CDH13: variants seen among roughly 807,000 people sequenced by gnomAD.
CDH13 encodes the protein cadherin-13.
Under a neutral mutation model 63.8 loss-of-function variants are expected in CDH13, and 24 were observed. The observed-to-expected ratio is 0.38, with a 90% CI of 0.27 to 0.53. The LOEUF is 0.53. Ranked by LOEUF, CDH13 falls within the 20% of genes least tolerant of loss-of-function variation. The probability of loss-of-function intolerance (pLI) is 0.85; values close to 1 mark genes in which losing one functional copy is unlikely to be tolerated. For synonymous variants in CDH13, 503 were observed against 355.3 expected, an observed-to-expected ratio of 1.42 and a Z score of -4.67; for missense variants, 1,049 against 903.1, an observed-to-expected ratio of 1.16 and a Z score of -2.07.
intron 10 of CDH13, among the ~76,000 whole-genome samples, chr16:83,709,304 G>A (rs767432830): frequency 2.0e-4 from 31 of 152,134 alleles, no homozygotes; most frequent in Non-Finnish European, 3.7e-4. Flanking sequence ...TAATCCACTA[G>A]GTCTGTGGTC....
At chr16:83,088,476 G>C (rs1268194655) in intron 3 of CDH13, among the ~76,000 whole-genome samples, 1 of 152,174 alleles carries the variant, frequency 6.6e-6, no homozygotes, top group East Asian at 1.9e-4. Context: ...AAAGCCCAGA[G>C]TTTTAGTTAC....
At chr16:82,630,999 C>G (rs1004108749) in intron 1 of CDH13, among the ~76,000 whole-genome samples, 6 of 152,194 alleles carry the variant, frequency 3.9e-5, no homozygotes, top group African/African-American at 1.4e-4. Context: ...TCTCCTTATT[C>G]CACATTAATT....
intron 4 of CDH13, among the ~76,000 whole-genome samples, chr16:83,171,797 C>A (rs1183246929): frequency 6.6e-6 from 1 of 152,112 alleles, no homozygotes; most frequent in Non-Finnish European, 1.5e-5. Flanking sequence ...TTCCTGACAT[C>A]TTTCTTGCAA....
intron 7 of CDH13, among the ~76,000 whole-genome samples, chr16:83,571,291 G>A (rs1452719487): frequency 2.0e-5 from 3 of 152,088 alleles, no homozygotes; most frequent in African/African-American, 7.2e-5. Context: ...TGTCACATGA[G>A]GGACAGTGAG....
intron 7 of CDH13, among the ~76,000 whole-genome samples, chr16:83,551,871 C>T (rs757156615): frequency 6.6e-6 from 1 of 152,034 alleles, no homozygotes; most frequent in Non-Finnish European, 1.5e-5. Context: ...TGGTTCCTGG[C>T]ACATAATTAC....
chr16:83,002,653 C>T (rs59150059), intron 2 of CDH13, among the ~76,000 whole-genome samples: 2,153 of 152,184 alleles, frequency 0.014, 38 homozygotes, highest in African/African-American at 0.049. Context: ...AACACAGTAA[C>T]GAAGCAGAAT....
At chr16:82,682,753 C>T (rs1424139271) in intron 1 of CDH13, among the ~76,000 whole-genome samples, 1 of 152,182 alleles carries the variant, frequency 6.6e-6, no homozygotes, top group East Asian at 1.9e-4. Flanking sequence ...AACGGATGTG[C>T]TTGCTTCTGA....
chr16:82,891,939 C>A (rs1199395196), intron 2 of CDH13, among the ~76,000 whole-genome samples: 1 of 152,126 alleles, frequency 6.6e-6, no homozygotes, highest in Non-Finnish European at 1.5e-5. Context: ...AGCTCTGAGA[C>A]AATTGTTGTT....
chr16:82,831,307 C>T (rs7498941), intron 1 of CDH13, among the ~76,000 whole-genome samples: 17,644 of 152,078 alleles, frequency 0.12, 1,069 homozygotes, highest in African/African-American at 0.12. Flanking sequence ...TTAGCTAGGT[C>T]GGTATCAAGT....
intron 10 of CDH13, among the ~76,000 whole-genome samples, chr16:83,716,711 T>C (rs1362271047): frequency 6.6e-6 from 1 of 152,134 alleles, no homozygotes; most frequent in Non-Finnish European, 1.5e-5. Flanking sequence ...CTCAAATCCC[T>C]GACCTCATGA....
At chr16:82,949,325 C>T (rs966985985) in intron 2 of CDH13, among the ~76,000 whole-genome samples, 7 of 152,160 alleles carry the variant, frequency 4.6e-5, no homozygotes, top group African/African-American at 1.7e-4. Context: ...ACAGTGTTCT[C>T]CCTGCGTCTC....
At chr16:83,572,175 G>GTTTTGTGTGTGTGTGTGT (rs145519267) in intron 7 of CDH13, among the ~76,000 whole-genome samples, 108 of 145,694 alleles carry the variant, frequency 7.4e-4, no homozygotes, top group African/African-American at 2.3e-3. Context: ...ACTTTCCTGT[G>GTTTTGTGTGTGTGTGTGT]GTGTGTGTGT....
At chr16:82,672,964 G>A (rs368691672) in intron 1 of CDH13, among the ~76,000 whole-genome samples, 34 of 142,606 alleles carry the variant, frequency 2.4e-4, no homozygotes, top group African/African-American at 7.3e-4. Context: ...GCAGGATTGC[G>A]TGCCACCATG....
At chr16:83,354,693 G>A (rs1282907417) in intron 6 of CDH13, among the ~76,000 whole-genome samples, 1 of 152,176 alleles carries the variant, frequency 6.6e-6, no homozygotes, top group East Asian at 1.9e-4. Flanking sequence ...CAGACGCAGG[G>A]GCCAGGAAGT....
At chr16:83,370,302 G>A (rs2091340842) in intron 6 of CDH13, among the ~76,000 whole-genome samples, 1 of 151,622 alleles carries the variant, frequency 6.6e-6, no homozygotes, top group Non-Finnish European at 1.5e-5. Context: ...GCAGGAGAAT[G>A]GTGTGAACCC....
At chr16:83,310,251 G>T (rs538991864) in intron 5 of CDH13, among the ~76,000 whole-genome samples, 144 of 152,308 alleles carry the variant, frequency 9.5e-4, no homozygotes, top group African/African-American at 3.3e-3. Flanking sequence ...TTAGGTAAAA[G>T]TGGGAAAATT....
chr16:83,381,745 A>C (rs565610744), intron 6 of CDH13, among the ~76,000 whole-genome samples: 1 of 151,984 alleles, frequency 6.6e-6, no homozygotes, highest in South Asian at 2.1e-4. Flanking sequence ...TACCAAGAGG[A>C]TAAACACCTT....
chr16:82,851,255 G>A (rs1324270418), intron 1 of CDH13, among the ~76,000 whole-genome samples: 1 of 151,946 alleles, frequency 6.6e-6, no homozygotes, highest in Non-Finnish European at 1.5e-5. Flanking sequence ...CCAACATGGT[G>A]AAACCCCGTC....
chr16:83,339,308 T>G (rs2090670762), intron 5 of CDH13, among the ~76,000 whole-genome samples: 1 of 152,182 alleles, frequency 6.6e-6, no homozygotes, highest in African/African-American at 2.4e-5. Context: ...CATGCAACTG[T>G]ATTTATCATA....
Sources: allele counts gnomAD v4.1 joint callset (sites outside exome capture counted in the v4.1 genomes callset), GRCh38; gene constraint gnomAD v4.1.1; transcripts MANE v1.5; gene names NCBI Gene and HGNC (gene_info 2026-07-23, HGNC 2026-07-21).